The following KTN1 variants were observed in gnomAD, a reference collection of about 807,000 sequenced individuals.
KTN1 encodes the protein kinectin 1, also known as kinectin.
A neutral mutation model predicts 222.5 loss-of-function variants in KTN1; 130 were observed. That is an observed-to-expected ratio of 0.58 (90% CI 0.51 to 0.68). The LOEUF (loss-of-function observed/expected upper bound fraction) is 0.68. KTN1 is among the 30% of genes least tolerant of loss of function. The pLI is 0.00. For missense variants in KTN1, 1,508 were observed against 1,500.4 expected (o/e 1.01, Z -0.08); for synonymous variants, 512 against 496.3 (o/e 1.03, Z -0.42).
chr14:55,672,557 C>T, intron 37 of KTN1, 73 bp from the exon 38 acceptor site: 1 of 869,344 alleles, frequency 1.2e-6, no homozygotes, highest in East Asian at 2.5e-5. Context: ...TTTAATTGAT[C>T]AGAATTCTAC....
intron 1 of KTN1, among the ~76,000 whole-genome samples, chr14:55,581,151 T>A (rs1435229050): frequency 6.6e-6 from 1 of 152,200 alleles, no homozygotes; most frequent in African/African-American, 2.4e-5. Context: ...TCTAGAGAAG[T>A]CGTCTGGCTC....
intron 13 of KTN1, 140 bp downstream of exon 13, chr14:55,639,362 C>CTTT (rs369782699): frequency 3.7e-5 from 13 of 351,108 alleles, no homozygotes; most frequent in East Asian, 2.0e-4. Context: ...GCAACTTTTG[C>CTTT]TTTTTTTTTT....
intron 5 of KTN1, among the ~76,000 whole-genome samples, chr14:55,624,974 G>T (rs1370004167): frequency 6.6e-6 from 1 of 152,212 alleles, no homozygotes; most frequent in Non-Finnish European, 1.5e-5. Flanking sequence ...AGTAAGCTTA[G>T]GTGGGAAGGG....
At chr14:55,593,364 A>G (rs2034462759) in intron 1 of KTN1, among the ~76,000 whole-genome samples, 1 of 151,766 alleles carries the variant, frequency 6.6e-6, no homozygotes, top group Admixed American at 6.6e-5. Flanking sequence ...TTATTTTGAC[A>G]ACTCTTGCAT....
intron 24 of KTN1, chr14:55,651,484 G>A: frequency 2.4e-6 from 1 of 411,140 alleles, no homozygotes; most frequent in Non-Finnish European, 4.8e-6. Flanking sequence ...TGATACAGTA[G>A]GGAGGTGTGT....
chr14:55,633,178 A>T, intron 7 of KTN1, 57 bp from the exon 8 acceptor site: 1 of 882,996 alleles, frequency 1.1e-6, no homozygotes, highest in African/African-American at 1.8e-5. Context: ...GTTTATTTTA[A>T]AAGTTAGCTT....
intron 1 of KTN1, among the ~76,000 whole-genome samples, chr14:55,593,958 A>G (rs550305115): frequency 6.6e-6 from 1 of 152,120 alleles, no homozygotes; most frequent in African/African-American, 2.4e-5. Flanking sequence ...TGAACTATCC[A>G]GCCATCTTCC....
At chr14:55,606,039 A>G (rs2036677889) in intron 1 of KTN1, among the ~76,000 whole-genome samples, 1 of 152,200 alleles carries the variant, frequency 6.6e-6, no homozygotes, top group Admixed American at 6.5e-5. Flanking sequence ...AATGCCAAGT[A>G]TTTAGATTCA....
chr14:55,619,306 A>G lies in KTN1; in HGVS notation c.957A>G (p.Leu319=). 6.2e-7 allele frequency: 1 copy of G among 1,613,348 alleles called. No individual in the cohort carries two copies. Among genetic ancestry groups the G allele is most frequent in the Non-Finnish European group, 8.5e-7 (1 of 1,179,728 alleles). ...AGTCTGGTGTAATACAAGATGCTTTAAAGAAGGTAAGCGTGTTTTTTGATT... is the reference window on the plus strand; with the variant it reads ...AGTCTGGTGTAATACAAGATGCTTTGAAGAAGGTAAGCGTGTTTTTTGATT... ...KEKSGVIQDA[L]KKSSKGELTT... is the part of the protein sequence containing the mutation. The change falls in exon 5 of 44, where the codon TTA becomes TTG. Residue 319 remains leucine, a synonymous_variant. Coordinates refer to ENST00000395314, the MANE Select transcript of KTN1 (RefSeq NM_001079521.2).
chr14:55,609,357 A>G (rs1204104433), intron 1 of KTN1, among the ~76,000 whole-genome samples: 2 of 151,994 alleles, frequency 1.3e-5, no homozygotes, highest in South Asian at 2.1e-4. Flanking sequence ...TGCAGCAAAC[A>G]TTTTCTTGAT....
chr14:55,659,588 T>C (rs2043888265), intron 30 of KTN1, 78 bp from the exon 31 acceptor site: 3 of 881,154 alleles, frequency 3.4e-6, no homozygotes, highest in Admixed American at 2.0e-5. Flanking sequence ...TTTCTTAATT[T>C]ATATTTGAGA....
intron 40 of KTN1, chr14:55,675,162 A>T (rs2045785427): frequency 6.6e-6 from 1 of 152,218 alleles, no homozygotes; most frequent in Non-Finnish European, 1.5e-5. Flanking sequence ...AATAAGAAGA[A>T]AGTTTTTTGG....
intron 1 of KTN1, among the ~76,000 whole-genome samples, chr14:55,588,168 C>T (rs556881871): frequency 3.3e-5 from 5 of 152,114 alleles, no homozygotes; most frequent in Admixed American, 6.5e-5. Flanking sequence ...GTATATTGTA[C>T]GTTATATGTA....
At chr14:55,662,363 C>T (rs2044244503) in intron 32 of KTN1, among the ~76,000 whole-genome samples, 1 of 152,116 alleles carries the variant, frequency 6.6e-6, no homozygotes, top group South Asian at 2.1e-4. Context: ...AGCCACGGCA[C>T]CTGGCCAGAA....
At chr14:55,590,580 A>G (rs973284134) in intron 1 of KTN1, among the ~76,000 whole-genome samples, 31 of 149,820 alleles carry the variant, frequency 2.1e-4, no homozygotes, top group African/African-American at 6.4e-4. Context: ...TTGTATCCCT[A>G]TTTTGTTGTT....
In KTN1 at chr14:55,663,324, C is replaced by T. The variant is rs576559905; in HGVS notation, c.3091-631C>T. ...TCTCTCAATTTTTAATAACCTCTTTCGCCTCCAAGAGAATCTATTTTATAG... is the reference window on the plus strand; with the variant it reads ...TCTCTCAATTTTTAATAACCTCTTTTGCCTCCAAGAGAATCTATTTTATAG... On this transcript the variant is annotated intron_variant, in intron 32 of 43. Coordinates refer to ENST00000395314, the MANE Select transcript of KTN1 (RefSeq NM_001079521.2). 8.8e-5 allele frequency: 16 copies of T among 182,822 alleles called. 1 individual carries two copies. In the East Asian group the frequency reaches 1.6e-3, roughly 18 times the overall value. 11.3% of individuals were successfully genotyped at this position (182,822 alleles called of 1,614,324 possible). A position where few individuals can be genotyped will look rare whatever the true frequency, so the allele number is the denominator to read the frequency against.
chr14:55,646,879 C>G, intron 18 of KTN1, 94 bp from the exon 19 acceptor site: 1 of 788,462 alleles, frequency 1.3e-6, no homozygotes, highest in East Asian at 2.5e-5. Flanking sequence ...TATTTAATAA[C>G]CCTAAACAAT....
chr14:55,614,747 A>G (rs2140666712), intron 2 of KTN1, among the ~76,000 whole-genome samples: 1 of 152,348 alleles, frequency 6.6e-6, no homozygotes, highest in South Asian at 2.1e-4. Context: ...GTTGTACCAG[A>G]GACCATATGT....
intron 1 of KTN1, among the ~76,000 whole-genome samples, chr14:55,583,463 T>G (rs984853826): frequency 1.3e-5 from 2 of 152,236 alleles, no homozygotes; most frequent in African/African-American, 4.8e-5. Context: ...TCCTAGCTAC[T>G]ACAGGGAGAT....
Sources: gnomAD v4.1 joint callset for allele counts (sites outside exome capture counted in the v4.1 genomes callset) on GRCh38, gnomAD v4.1.1 for gene constraint, MANE v1.5 for transcripts, NCBI Gene and HGNC (gene_info 2026-07-23, HGNC 2026-07-21) for gene names.